Variants in DISP3 observed in about 807,000 individuals in gnomAD.
DISP3 encodes protein dispatched homolog 3.
DISP3 carries 101 observed loss-of-function variants against 135.3 expected under a neutral mutation model. The observed-to-expected ratio is 0.75, with a 90% CI of 0.64 to 0.88. The LOEUF (loss-of-function observed/expected upper bound fraction) is 0.88. Among genes scored for constraint, DISP3 ranks in the 40% least tolerant of loss-of-function variants. The pLI is 0.00. For missense variants in DISP3, 1,713 were observed against 1,878.6 expected (o/e 0.91, Z 1.63); for synonymous variants, 856 against 817.0 (o/e 1.05, Z -0.81).
intron 1 of DISP3, among the ~76,000 whole-genome samples, chr1:11,480,794 G>A (rs964822560): frequency 2.0e-5 from 3 of 151,342 alleles, no homozygotes; most frequent in African/African-American, 7.3e-5. Flanking sequence ...CCTGCCAGGG[G>A]ACCAGGGGAT....
At position 11,519,877 on chromosome 1, in the gene DISP3, G is replaced by T. The variant is rs1247477341; in HGVS notation, c.2197G>T (p.Val733Leu). The change falls in exon 9 of 21, where the codon GTG becomes TTG. Residue 733 changes from valine (V) to leucine (L), a missense_variant. Physicochemically the swap from Val to Leu is conservative, Grantham distance 32 (BLOSUM62 1). Transcript: ENST00000294484. The surrounding 1 kb of genome is among the most constrained non-coding windows in gnomAD (Gnocchi z 4.3). ...WSAVKSRWVIVGLFVSILILS... is the reference protein window; with the variant it reads ...WSAVKSRWVILGLFVSILILS... ...AGCCGTCAAGAGCCGCTGGGTGATT[G>T]TGGGTAAGTGGGCCCTCCGGCCCTG... 1.1e-5 allele frequency: 18 copies of T among 1,605,640 alleles called. No individual in the cohort carries two copies. Among genetic ancestry groups the T allele is most frequent in the Non-Finnish European group, 1.5e-5 (18 of 1,176,262 alleles).
intron 13 of DISP3, among the ~76,000 whole-genome samples, chr1:11,528,132 C>A (rs996147849): frequency 2.0e-5 from 3 of 152,362 alleles, no homozygotes; most frequent in Admixed American, 1.3e-4. Flanking sequence ...CACCCACACT[C>A]TAAATATATC....
intron 13 of DISP3, among the ~76,000 whole-genome samples, chr1:11,528,778 G>T (rs183273687): frequency 1.3e-5 from 2 of 152,180 alleles, no homozygotes; most frequent in Non-Finnish European, 1.5e-5. Context: ...TGTGGTCTCC[G>T]ATGGGGCTCA....
chr1:11,509,063 C>G (rs72866404), intron 3 of DISP3, among the ~76,000 whole-genome samples: 23,256 of 152,106 alleles, frequency 0.15, 2,891 homozygotes, highest in African/African-American at 0.34. Flanking sequence ...TTAAGTATGA[C>G]TATTTTAGCA....
In DISP3 at chr1:11,520,746, A is replaced by T; in HGVS notation, c.2260A>T (p.Ser754Cys). Residue 754 changes from serine (S) to cysteine (C), a missense_variant, in exon 10 of 21, where the codon AGC becomes TGC. Coordinates refer to ENST00000294484, the MANE Select transcript of DISP3 (RefSeq NM_020780.2). The surrounding 1 kb of genome is among the most constrained non-coding windows in gnomAD (Gnocchi z 4.8). ...LVFASRLRPA[S>C]RAPLLFRPDT... The stretch of plus-strand genomic sequence containing the variant: ...GTTCGCCAGCCGGCTCCGCCCCGCC[A>T]GCCGGGCCCCGCTACTCTTCCGGCC... 1 of 1,613,512 alleles carries T rather than the reference A, an allele frequency of 6.2e-7. No individual in the cohort carries two copies. The highest frequency in any genetic ancestry group is 2.2e-5 in the East Asian group (1 of 44,868).
intron 10 of DISP3, among the ~76,000 whole-genome samples, chr1:11,522,907 C>G (rs1642281716): frequency 7.2e-6 from 1 of 138,398 alleles, no homozygotes; most frequent in Non-Finnish European, 1.6e-5. Context: ...AGCCAGAGCC[C>G]AGCCAGGACC....
At position 11,531,691 on chromosome 1, in the gene DISP3, T is replaced by C; in HGVS notation, c.3356T>C (p.Ile1119Thr). The C allele has an allele frequency of 6.2e-7, 1 of 1,606,740 alleles. No individual in the cohort carries two copies. The highest frequency in any genetic ancestry group is 8.5e-7 in the Non-Finnish European group (1 of 1,176,002). Residue 1119 changes from isoleucine to threonine, a missense_variant, in exon 17 of 21, where the codon ATC becomes ACC. Ile to Thr is a moderately conservative substitution (Grantham distance 89). Transcript: ENST00000294484. This position sits in a 1 kb window ranked among gnomAD's most constrained non-coding sequence, Gnocchi z 5.2. Reference sequence around the variant, plus strand: ...GTCAGGGAGGGCCGCGTGCAGTGGATCTCCATGGCTTTCGAGTCGGTGAGC... The same window carrying C: ...GTCAGGGAGGGCCGCGTGCAGTGGACCTCCATGGCTTTCGAGTCGGTGAGC... ...VGVREGRVQW[I>T]SMAFESTTYK...
At position 11,536,668 on chromosome 1, in the gene DISP3, C is replaced by T. The variant is rs112529124; in HGVS notation, c.4161C>T (p.Pro1387=). ...AGAGCGGCTATAAGATTCCCCTGCC[C>T]GCAGGGGCCTCCCTATAGCCCGGGA... ...LLQSGYKIPL[P]AGASL is the part of the protein sequence containing the mutation. The change falls in exon 21 of 21, where the codon CCC becomes CCT. Residue 1387 remains proline, a synonymous_variant. Coordinates refer to ENST00000294484, the MANE Select transcript of DISP3 (RefSeq NM_020780.2). The surrounding 1 kb of genome is among the most constrained non-coding windows in gnomAD (Gnocchi z 4.3). The T allele has an allele frequency of 7.5e-5, 118 of 1,577,774 alleles. No individual in the cohort carries two copies. Among genetic ancestry groups the T allele is most frequent in the African/African-American group, 5.7e-4 (42 of 73,956 alleles).
Position 11,517,487 on chromosome 1 carries a change from C to T in DISP3, c.1774C>T (p.Leu592=). Residue 592 remains leucine (L), a synonymous_variant, in exon 7 of 21, where the codon CTG becomes TTG. Coordinates refer to ENST00000294484, the MANE Select transcript of DISP3 (RefSeq NM_020780.2). Reference sequence around the variant, plus strand: ...GATCCCAGCCGTCCACGACTTTGGCCTGTTCATGTCTCTCATCGTGTCCTG... The same window carrying T: ...GATCCCAGCCGTCCACGACTTTGGCTTGTTCATGTCTCTCATCGTGTCCTG... ...SQIPAVHDFG[L]FMSLIVSCCW... 1 of 1,614,224 alleles carries T rather than the reference C, an allele frequency of 6.2e-7. No homozygotes were observed. Among genetic ancestry groups the T allele is most frequent in the South Asian group, 1.1e-5 (1 of 91,084 alleles).
intron 17 of DISP3, chr1:11,533,766 T>A: frequency 1.5e-6 from 1 of 685,590 alleles, no homozygotes; most frequent in South Asian, 1.5e-5. Context: ...TACTATGAAC[T>A]GGCTTGTGCT....
At chr1:11,502,329 G>C (rs541406053) in intron 2 of DISP3, among the ~76,000 whole-genome samples, 1 of 152,230 alleles carries the variant, frequency 6.6e-6, no homozygotes, top group Non-Finnish European at 1.5e-5. Flanking sequence ...GGGTTCTGCT[G>C]TGGTCAGAGG....
chr1:11,520,308 C>T lies in DISP3; in HGVS notation c.2201-379C>T, dbSNP rs928342034. On this transcript the variant is annotated intron_variant, in intron 9 of 20. Transcript: ENST00000294484. This position sits in a 1 kb window ranked among gnomAD's most constrained non-coding sequence, Gnocchi z 4.8. ...AGACCTCAGCCCAGCGCGTGGCGTG[C>T]GGTAAGTGCTCAGTGAATGTCAAGT... 2.0e-5 allele frequency among the ~76,000 whole-genome samples: 3 copies of T among 152,308 alleles called. No individual in the cohort carries two copies. The highest frequency in any genetic ancestry group is 1.9e-4 in the East Asian group (1 of 5,186).
chr1:11,533,859 T>C (rs1642639010), intron 17 of DISP3: 1 of 717,542 alleles, frequency 1.4e-6, no homozygotes, highest in Non-Finnish European at 2.6e-6. Flanking sequence ...TCATCATCCA[T>C]GAGCACCTCT....
In DISP3 at chr1:11,531,804, A is replaced by T. The variant is rs544609670; in HGVS notation, c.3375+94A>T. 2.0e-5 allele frequency: 30 copies of T among 1,480,562 alleles called. No homozygotes were observed. In the East Asian group the frequency reaches 6.3e-4, roughly 31 times the overall value. The allele number at this position is 1,480,562 out of a possible 1,614,324, so 91.7% of individuals were successfully genotyped here. On this transcript the variant is annotated intron_variant, in intron 17 of 20. Coordinates refer to ENST00000294484, the MANE Select transcript of DISP3 (RefSeq NM_020780.2). The surrounding 1 kb of genome is among the most constrained non-coding windows in gnomAD (Gnocchi z 5.2). Reference sequence around the variant, plus strand: ...GCCCTCTTCCCAGATCGGGGGGGAGATGCTGAGGCCCAGAGAGGTGGAGTG... The same window carrying T: ...GCCCTCTTCCCAGATCGGGGGGGAGTTGCTGAGGCCCAGAGAGGTGGAGTG...
intron 3 of DISP3, 125 bp from the exon 4 acceptor site, chr1:11,514,265 T>C (rs1641937797): frequency 1.7e-6 from 2 of 1,198,928 alleles, no homozygotes; most frequent in African/African-American, 1.5e-5. Flanking sequence ...GATTTTGATA[T>C]CCAACCAAGG....
In DISP3 at chr1:11,519,536, CCA is replaced by C. The variant is rs1269557983; in HGVS notation, c.2038+34_2038+35del. The C allele has an allele frequency of 1.8e-5, 29 of 1,608,254 alleles. No individual in the cohort carries two copies. Among genetic ancestry groups the C allele is most frequent in the Non-Finnish European group, 2.4e-5 (28 of 1,176,892 alleles). ...CTGGCACAGGCCTGCCCTACTGACC[CCA>C]GTGAGACCCAGCGCTGCCTCTGCCA... On this transcript the variant is annotated intron_variant, in intron 8 of 20. Transcript: ENST00000294484. This position sits in a 1 kb window ranked among gnomAD's most constrained non-coding sequence, Gnocchi z 4.3.
chr1:11,515,456 A>C lies in DISP3; in HGVS notation c.1541A>C (p.Tyr514Ser). The C allele has an allele frequency of 6.2e-7, 1 of 1,613,346 alleles. No homozygotes were observed. The highest frequency in any genetic ancestry group is 8.5e-7 in the Non-Finnish European group (1 of 1,179,622). ...FLYHVVFGIQ[Y>S]LGILNGVAAF... ...TACCACGTGGTCTTTGGTATCCAGTACTTGGGCATCCTGAATGGGGTGGCC... is the reference window on the plus strand; with the variant it reads ...TACCACGTGGTCTTTGGTATCCAGTCCTTGGGCATCCTGAATGGGGTGGCC... Residue 514 changes from tyrosine to serine, a missense_variant, in exon 5 of 21, where the codon TAC (tyrosine) becomes TCC (serine). By Grantham distance (144) the Tyr-to-Ser change is moderately radical. Transcript: ENST00000294484.
At chr1:11,515,819 G>A (rs1051176367) in intron 5 of DISP3, among the ~76,000 whole-genome samples, 182 bp from the exon 6 acceptor site, 2 of 152,122 alleles carry the variant, frequency 1.3e-5, no homozygotes, top group Non-Finnish European at 2.9e-5. Flanking sequence ...GTGGTGGGTG[G>A]GGCTTGAACT....
intron 15 of DISP3, among the ~76,000 whole-genome samples, chr1:11,530,247 C>A (rs1457208407): frequency 1.3e-5 from 2 of 152,224 alleles, no homozygotes; most frequent in Non-Finnish European, 2.9e-5. Flanking sequence ...ACCTCCGTGC[C>A]CTCCTCCTTG....
Sources: allele counts gnomAD v4.1 joint callset (sites outside exome capture counted in the v4.1 genomes callset), GRCh38; gene constraint gnomAD v4.1.1; non-coding constraint Gnocchi (gnomAD v3.1); transcripts MANE v1.5; gene names NCBI Gene and HGNC (gene_info 2026-07-23, HGNC 2026-07-21).